Variants in RNF213 observed in about 807,000 individuals in gnomAD.
RNF213 encodes ring finger protein 213.
RNF213 carries 341 observed loss-of-function variants against 514.4 expected under a neutral mutation model. The observed-to-expected ratio is 0.66, with a 90% CI of 0.61 to 0.73. The LOEUF (loss-of-function observed/expected upper bound fraction) is 0.73, where lower values mean the gene tolerates loss of function less well. Ranked by LOEUF, RNF213 falls within the 30% of genes least tolerant of loss-of-function variation. The probability of loss-of-function intolerance (pLI) is 0.00; values close to 1 mark genes in which losing one functional copy is unlikely to be tolerated. For synonymous variants in RNF213, 2,655 were observed against 2,658.2 expected, an observed-to-expected ratio of 1.00 and a Z score of 0.04; for missense variants, 5,767 against 6,615.6, an observed-to-expected ratio of 0.87 and a Z score of 4.45.
At chr17:80,324,738 A>C (rs2046235161) in intron 17 of RNF213, among the ~76,000 whole-genome samples, 1 of 152,226 alleles carries the variant, frequency 6.6e-6, no homozygotes, top group African/African-American at 2.4e-5. Flanking sequence ...AGTCCAAAAA[A>C]AAATGTAGAA....
chr17:80,273,613 CTTTTTTTTTTTTT>C (rs56957242), intron 3 of RNF213, among the ~76,000 whole-genome samples: 6 of 97,588 alleles, frequency 6.1e-5, no homozygotes, highest in African/African-American at 2.4e-4. Flanking sequence ...CCTCCACCGT[CTTTTTTTTTTTTT>C]TTTTTTTTTT....
chr17:80,384,706 C>T (rs1421021410), intron 59 of RNF213, among the ~76,000 whole-genome samples: 4 of 152,198 alleles, frequency 2.6e-5, no homozygotes, highest in Non-Finnish European at 2.9e-5. Context: ...AGCTCTGGGT[C>T]TCTTCTTTCA....
intron 3 of RNF213, among the ~76,000 whole-genome samples, chr17:80,281,465 A>AC (rs1568006361): frequency 1.2e-5 from 1 of 80,556 alleles, no homozygotes; most frequent in Non-Finnish European, 2.7e-5. Flanking sequence ...CCCCACTCAC[A>AC]ACACTCACAC....
intron 18 of RNF213, among the ~76,000 whole-genome samples, chr17:80,326,772 G>T (rs2046292581): frequency 6.6e-6 from 1 of 152,154 alleles, no homozygotes; most frequent in South Asian, 2.1e-4. Context: ...CTATTGTATG[G>T]ATGTGCTACC....
chr17:80,386,152 G>GT, intron 61 of RNF213, 98 bp from the exon 62 acceptor site: 1 of 1,189,886 alleles, frequency 8.4e-7, no homozygotes, highest in African/African-American at 1.5e-5. Flanking sequence ...TCCCGGCTGT[G>GT]TGTGGAGCTG....
chr17:80,355,759 G>A (rs1444859541), intron 36 of RNF213, among the ~76,000 whole-genome samples: 16 of 138,264 alleles, frequency 1.2e-4, no homozygotes, highest in Admixed American at 7.7e-4. Flanking sequence ...AGGAAGAAGC[G>A]GGGTGAATGG....
At position 80,347,808 on chromosome 17, in the gene RNF213, A is replaced by T; in HGVS notation, c.9473A>T (p.Tyr3158Phe). 2 of 1,614,234 alleles carry T rather than the reference A, an allele frequency of 1.2e-6. No homozygotes were observed. Among genetic ancestry groups the T allele is most frequent in the Non-Finnish European group, 1.7e-6 (2 of 1,180,050 alleles). ...GTCATTGAAGAGAAAGACGTCGTGT[A>T]CAAACACTTTCCCATCCCCCTCATT... ...LIVIEEKDVV[Y>F]KHFPIPLINR... Residue 3158 changes from tyrosine (Y) to phenylalanine (F), a missense_variant, in exon 29 of 68, where the codon TAC (tyrosine) becomes TTC (phenylalanine). Tyr to Phe is a conservative substitution (Grantham distance 22, BLOSUM62 3). Transcript: ENST00000582970. The surrounding 1 kb of genome is among the most constrained non-coding windows in gnomAD (Gnocchi z 7.2).
intron 10 of RNF213, among the ~76,000 whole-genome samples, chr17:80,297,307 G>A (rs369348436): frequency 4.6e-5 from 7 of 151,832 alleles, no homozygotes; most frequent in East Asian, 2.0e-4. Flanking sequence ...AAATTTAGCC[G>A]GGCGTGGTGG....
At chr17:80,352,508 CA>C (rs2078562652) in intron 32 of RNF213, 1 of 523,336 alleles carries the variant, frequency 1.9e-6, no homozygotes, top group South Asian at 3.1e-5. Context: ...GAATGGTCAC[CA>C]GCTATTTATG....
In RNF213 at chr17:80,288,393, G is replaced by A; in HGVS notation, c.810+30G>A. The A allele has an allele frequency of 1.2e-6, 2 of 1,609,986 alleles. No homozygotes were observed. The highest frequency in any genetic ancestry group is 8.5e-7 in the Non-Finnish European group (1 of 1,179,666). On this transcript the variant is annotated intron_variant, in intron 4 of 67. Coordinates refer to ENST00000582970, the MANE Select transcript of RNF213 (RefSeq NM_001256071.3). This position sits in a 1 kb window ranked among gnomAD's most constrained non-coding sequence, Gnocchi z 4.9. ...GTCATCCGGGAGAGATGGCCTGGGAGTGGCACTGAGCCCTCGGCACCTGGG... is the reference window on the plus strand; with the variant it reads ...GTCATCCGGGAGAGATGGCCTGGGAATGGCACTGAGCCCTCGGCACCTGGG...
In RNF213 at chr17:80,263,331, C is replaced by T. The variant is rs542544842; in HGVS notation, c.-108-243C>T. 2.0e-5 allele frequency among the ~76,000 whole-genome samples: 3 copies of T among 152,264 alleles called. No individual in the cohort carries two copies. The highest frequency in any genetic ancestry group is 2.1e-4 in the South Asian group (1 of 4,822). ...CTCAGGGCAGGCCGTGGGACCCTGC[C>T]GAACAGCACGTGGCTGCCCCACGCC... On this transcript the variant is annotated intron_variant, in intron 1 of 67. Transcript: ENST00000582970. This position sits in a 1 kb window ranked among gnomAD's most constrained non-coding sequence, Gnocchi z 4.9.
intron 3 of RNF213, among the ~76,000 whole-genome samples, chr17:80,275,493 T>C (rs141454850): frequency 6.6e-6 from 1 of 151,934 alleles, no homozygotes; most frequent in East Asian, 1.9e-4. Flanking sequence ...TTGAAAAGTT[T>C]CCATGAATAA....
chr17:80,282,940 C>T (rs943256653), intron 3 of RNF213, among the ~76,000 whole-genome samples: 2 of 151,934 alleles, frequency 1.3e-5, no homozygotes, highest in African/African-American at 4.8e-5. Context: ...TCAGGTGATC[C>T]GCCCGCCTCG....
chr17:80,312,668 C>G (rs537198988), intron 14 of RNF213, among the ~76,000 whole-genome samples: 6 of 152,304 alleles, frequency 3.9e-5, no homozygotes, highest in Non-Finnish European at 5.9e-5. Context: ...TCTGCAGGGC[C>G]CCTCTCTGGG....
chr17:80,316,912 C>T (rs1233902924), intron 15 of RNF213, among the ~76,000 whole-genome samples: 1 of 152,224 alleles, frequency 6.6e-6, no homozygotes, highest in Non-Finnish European at 1.5e-5. Context: ...CAAAGTATAA[C>T]ATGAGAGATA....
At position 80,339,501 on chromosome 17, in the gene RNF213, C is replaced by T; in HGVS notation, c.5134C>T (p.Leu1712=). The change falls in exon 26 of 68, where the codon CTG becomes TTG. Residue 1712 remains leucine (L), a synonymous_variant. Transcript: ENST00000582970. The stretch of plus-strand genomic sequence containing the variant: ...CTACACGGCAGAGCAGCTGGTTTAC[C>T]TGAGCACTGAGCTCAGGAAGCAGCC... The part of the protein sequence containing the change: ...NFYTAEQLVY[L]STELRKQPPS... The T allele has an allele frequency of 4.6e-6, 7 of 1,537,260 alleles. No homozygotes were observed. The highest frequency in any genetic ancestry group is 6.1e-6 in the Non-Finnish European group (7 of 1,146,916).
chr17:80,276,093 TTTTATTTA>T (rs199905492), intron 3 of RNF213, among the ~76,000 whole-genome samples: 1 of 150,478 alleles, frequency 6.6e-6, no homozygotes, highest in Non-Finnish European at 1.5e-5. Context: ...TTATTTTTTG[TTTTATTTA>T]TTTATTTATT....
chr17:80,356,754 G>C (rs1403759519), intron 36 of RNF213, among the ~76,000 whole-genome samples: 1 of 152,198 alleles, frequency 6.6e-6, no homozygotes, highest in Non-Finnish European at 1.5e-5. Flanking sequence ...ACTTTTCCTA[G>C]TTTGCTGTTT....
At chr17:80,393,063 C>T (rs1486048766) in intron 67 of RNF213, among the ~76,000 whole-genome samples, 2 of 152,092 alleles carry the variant, frequency 1.3e-5, no homozygotes, top group African/African-American at 4.8e-5. Context: ...CTGTAGCCTC[C>T]ACCTCCTGGA....
Sources: allele counts gnomAD v4.1 joint callset (sites outside exome capture counted in the v4.1 genomes callset), GRCh38; gene constraint gnomAD v4.1.1; non-coding constraint Gnocchi (gnomAD v3.1); transcripts MANE v1.5; gene names NCBI Gene and HGNC (gene_info 2026-07-23, HGNC 2026-07-21).